PPP1R12B: variants seen among roughly 807,000 people sequenced by gnomAD.
PPP1R12B encodes the protein protein phosphatase 1 regulatory subunit 12B.
A neutral mutation model predicts 126.1 loss-of-function variants in PPP1R12B; 76 were observed. That is an observed-to-expected ratio of 0.60 (90% CI 0.50 to 0.73). PPP1R12B has a LOEUF of 0.73. Among genes scored for constraint, PPP1R12B ranks in the 30% least tolerant of loss-of-function variants. The probability of loss-of-function intolerance (pLI) is 0.00; values close to 1 mark genes in which losing one functional copy is unlikely to be tolerated. For synonymous variants in PPP1R12B, 356 were observed against 434.7 expected (o/e 0.82, Z 2.25); for missense variants, 1,052 against 1,205.1 (o/e 0.87, Z 1.88).
chr1:202,575,166 C>A (rs763148569), intron 23 of PPP1R12B: 1 of 1,602,316 alleles, frequency 6.2e-7, no homozygotes, highest in South Asian at 1.1e-5. Flanking sequence ...ACTCACTTCC[C>A]TCCTCCACTA....
chr1:202,349,997 C>T (rs576581224), intron 1 of PPP1R12B, among the ~76,000 whole-genome samples: 46 of 152,248 alleles, frequency 3.0e-4, no homozygotes, highest in African/African-American at 1.0e-3. Flanking sequence ...TCAAATGGAA[C>T]TTCATCAGTT....
chr1:202,398,980 C>CAT (rs975193451), intron 1 of PPP1R12B, among the ~76,000 whole-genome samples: 4 of 151,996 alleles, frequency 2.6e-5, no homozygotes, highest in South Asian at 2.1e-4. Flanking sequence ...CACTACTAAA[C>CAT]ATATATATAT....
At chr1:202,569,444 G>A (rs1558387271) in intron 23 of PPP1R12B, among the ~76,000 whole-genome samples, 2 of 152,126 alleles carry the variant, frequency 1.3e-5, no homozygotes, top group Non-Finnish European at 2.9e-5. Flanking sequence ...TTAAGGAGAG[G>A]TCTTGGCAGG....
intron 21 of PPP1R12B, chr1:202,567,499 G>A: frequency 2.4e-6 from 1 of 416,290 alleles, no homozygotes; most frequent in East Asian, 3.9e-5. Context: ...GAGAGAGAGA[G>A]AGAGAGAGAT....
At chr1:202,486,988 G>A (rs926375490) in intron 13 of PPP1R12B, among the ~76,000 whole-genome samples, 2 of 152,148 alleles carry the variant, frequency 1.3e-5, no homozygotes, top group East Asian at 3.8e-4. Context: ...CATATTACAA[G>A]AAGGGAAAAT....
chr1:202,589,157 G>T lies in PPP1R12B; in HGVS notation c.*8597G>T, dbSNP rs1391545492. The T allele has an allele frequency of 6.6e-6, 1 of 152,184 alleles. No homozygotes were observed. Among genetic ancestry groups the T allele is most frequent in the East Asian group, 1.9e-4 (1 of 5,192 alleles). The allele number at this position is 152,184 out of a possible 1,614,324, so 9.4% of individuals were successfully genotyped here. ...CCAAACTACAAATGTAGTTAACTTG[G>T]GGGCTATTGAAGGTTAAATCTAAAC... On this transcript the variant is annotated 3_prime_UTR_variant, in exon 24 of 24. Coordinates refer to ENST00000608999, the MANE Select transcript of PPP1R12B (RefSeq NM_002481.4).
chr1:202,444,154 C>T (rs1409433704), intron 12 of PPP1R12B, among the ~76,000 whole-genome samples: 1 of 152,116 alleles, frequency 6.6e-6, no homozygotes, highest in Non-Finnish European at 1.5e-5. Context: ...TATGCCAAAC[C>T]TTCATATACA....
At chr1:202,379,378 T>G (rs1247031231) in intron 1 of PPP1R12B, among the ~76,000 whole-genome samples, 1 of 152,234 alleles carries the variant, frequency 6.6e-6, no homozygotes, top group Non-Finnish European at 1.5e-5. Flanking sequence ...ATTAGGTCTA[T>G]GGTAGGACCC....
intron 1 of PPP1R12B, among the ~76,000 whole-genome samples, chr1:202,416,302 G>A (rs930365739): frequency 6.6e-6 from 1 of 152,088 alleles, no homozygotes; most frequent in African/African-American, 2.4e-5. Context: ...TGAGGTGGGT[G>A]GATGACCTGA....
chr1:202,545,092 T>C (rs1303491481), intron 18 of PPP1R12B, among the ~76,000 whole-genome samples: 2 of 152,260 alleles, frequency 1.3e-5, no homozygotes, highest in Non-Finnish European at 2.9e-5. Context: ...CCATTTTTAC[T>C]CCACTTTATA....
Position 202,394,623 on chromosome 1 carries a change from G to A in PPP1R12B, c.292-22164G>A, listed in dbSNP as rs1287707227. ...TACAAAATTAGCCGGGCATGGTGGC[G>A]CATGCCTGTAATCCTAGCTGCTCAG... On this transcript the variant is annotated intron_variant, in intron 1 of 23. Coordinates refer to ENST00000608999, the MANE Select transcript of PPP1R12B (RefSeq NM_002481.4). Among the ~76,000 whole-genome samples, 5 of 151,910 alleles carry A rather than the reference G, an allele frequency of 3.3e-5. No homozygotes were observed. The East Asian group carries it at 5.8e-4, about 18-fold the overall frequency.
chr1:202,426,519 G>A (rs2148649689), intron 4 of PPP1R12B, among the ~76,000 whole-genome samples: 1 of 152,266 alleles, frequency 6.6e-6, no homozygotes, highest in Non-Finnish European at 1.5e-5. Context: ...TAAATATAGT[G>A]TCCTAGAAAG....
chr1:202,531,916 G>GTCCATACAGTAAAGC (rs1400752006), intron 18 of PPP1R12B, among the ~76,000 whole-genome samples: 5 of 152,186 alleles, frequency 3.3e-5, no homozygotes, highest in Admixed American at 1.3e-4. Flanking sequence ...ACGCAAGAAA[G>GTCCATACAGTAAAGC]AATTCAGGGC....
At chr1:202,568,767 C>G (rs140485329) in intron 22 of PPP1R12B, among the ~76,000 whole-genome samples, 241 of 152,288 alleles carry the variant, frequency 1.6e-3, no homozygotes, top group Admixed American at 2.8e-3. Context: ...TTAGGGAGAG[C>G]ATTACTGAAG....
chr1:202,453,225 C>T (rs1414229876), intron 13 of PPP1R12B, among the ~76,000 whole-genome samples: 2 of 152,012 alleles, frequency 1.3e-5, no homozygotes, highest in Admixed American at 6.6e-5. Flanking sequence ...ATTTCAGCAT[C>T]AATTGAAATG....
At chr1:202,553,018 G>A (rs1270408106) in intron 18 of PPP1R12B, among the ~76,000 whole-genome samples, 2 of 152,168 alleles carry the variant, frequency 1.3e-5, no homozygotes, top group Non-Finnish European at 2.9e-5. Flanking sequence ...TCTGGTTTCT[G>A]TCCCTTTCTA....
chr1:202,403,454 G>T (rs1181345999), intron 1 of PPP1R12B, among the ~76,000 whole-genome samples: 1 of 152,190 alleles, frequency 6.6e-6, no homozygotes. Context: ...TCACTAACAC[G>T]TGCCTTTAAA....
At chr1:202,358,681 CAAA>C (rs200723132) in intron 1 of PPP1R12B, among the ~76,000 whole-genome samples, 2 of 109,122 alleles carry the variant, frequency 1.8e-5, no homozygotes, top group Admixed American at 8.5e-5. Flanking sequence ...GACTCCGTCT[CAAA>C]AAAAAAAAAA....
rs1223525563 is a variant in PPP1R12B, at chr1:202,588,857, A to AGATAGAT, written c.*8298_*8304dup. 6.9e-6 allele frequency: 1 copy of AGATAGAT among 145,664 alleles called. No individual in the cohort carries two copies. The highest frequency in any genetic ancestry group is 1.5e-5 in the Non-Finnish European group (1 of 67,616). The allele number at this position is 145,664 out of a possible 1,614,324, so 9.0% of individuals were successfully genotyped here. ...TAGATAGATAGATAGATAGATAGAT[A>AGATAGAT]GATAGATAGATAGATATCAAGGTTC... On this transcript the variant is annotated 3_prime_UTR_variant, in exon 24 of 24. Coordinates refer to ENST00000608999, the MANE Select transcript of PPP1R12B (RefSeq NM_002481.4).
Sources: gnomAD v4.1 joint callset for allele counts (sites outside exome capture counted in the v4.1 genomes callset) on GRCh38, gnomAD v4.1.1 for gene constraint, MANE v1.5 for transcripts, NCBI Gene and HGNC (gene_info 2026-07-23, HGNC 2026-07-21) for gene names.